The following FLRT2 variants were observed in gnomAD, a reference collection of about 807,000 sequenced individuals.
The protein encoded by FLRT2 is fibronectin leucine rich transmembrane protein 2.
Under a neutral mutation model 40.0 loss-of-function variants are expected in FLRT2, and 15 were observed. The observed-to-expected ratio is 0.38, with a 90% CI of 0.25 to 0.58. The LOEUF is 0.58. Among genes scored for constraint, FLRT2 ranks in the 20% least tolerant of loss-of-function variants. The pLI, the probability that FLRT2 is intolerant of heterozygous loss-of-function variation, is 0.71. For missense variants in FLRT2, 726 were observed against 840.0 expected, an observed-to-expected ratio of 0.86 and a Z score of 1.68; for synonymous variants, 380 against 336.8, an observed-to-expected ratio of 1.13 and a Z score of -1.41.
chr14:85,590,676 TGCA>T (rs1891842691), intron 1 of FLRT2, among the ~76,000 whole-genome samples: 1 of 152,174 alleles, frequency 6.6e-6, no homozygotes, highest in Non-Finnish European at 1.5e-5. Context: ...CTCGGCTCAC[TGCA>T]ACCTCTGCCT....
In FLRT2 at chr14:85,590,214, C is replaced by A. The variant is rs140603619; in HGVS notation, c.-376-30925C>A. On this transcript the variant is annotated intron_variant, in intron 1 of 1. Coordinates refer to ENST00000330753, the MANE Select transcript of FLRT2 (RefSeq NM_013231.6). ...TCAAGACTATCAAAAATGTCTCCAA[C>A]GTTGCCAAATTTCCTTGGGGTGGGG... Among the ~76,000 whole-genome samples the A allele has an allele frequency of 8.5e-3, 1,300 of 152,198 alleles. 14 individuals are homozygous for A. The highest frequency in any genetic ancestry group is 0.03 in the African/African-American group (1,252 of 41,498).
chr14:85,544,119 C>T (rs1433206053), intron 1 of FLRT2, among the ~76,000 whole-genome samples: 1 of 152,084 alleles, frequency 6.6e-6, no homozygotes, highest in African/African-American at 2.4e-5. Context: ...TTTTTTTATT[C>T]CCATAGATTG....
chr14:85,586,696 A>G (rs1891630648), intron 1 of FLRT2, among the ~76,000 whole-genome samples: 1 of 89,108 alleles, frequency 1.1e-5, no homozygotes, highest in Non-Finnish European at 2.3e-5. Flanking sequence ...ATATATGTAC[A>G]CACACACACA....
At chr14:85,574,099 A>G (rs1891016116) in intron 1 of FLRT2, among the ~76,000 whole-genome samples, 1 of 152,176 alleles carries the variant, frequency 6.6e-6, no homozygotes, top group Non-Finnish European at 1.5e-5. Flanking sequence ...CGTGAAGCAT[A>G]CTAGTGATAA....
chr14:85,617,486 T>G (rs1210541603), intron 1 of FLRT2, among the ~76,000 whole-genome samples: 1 of 152,172 alleles, frequency 6.6e-6, no homozygotes, highest in African/African-American at 2.4e-5. Context: ...GGATGAGAAC[T>G]CAGGATCTAT....
intron 1 of FLRT2, among the ~76,000 whole-genome samples, chr14:85,542,066 C>T (rs1368566622): frequency 2.6e-5 from 4 of 152,174 alleles, no homozygotes; most frequent in East Asian, 1.9e-4. Context: ...GTTATGCTTG[C>T]TTAAGGCTTA....
intron 1 of FLRT2, among the ~76,000 whole-genome samples, chr14:85,564,297 T>C (rs1233579779): frequency 1.3e-5 from 2 of 152,204 alleles, no homozygotes; most frequent in Non-Finnish European, 2.9e-5. Flanking sequence ...CTATATCAGT[T>C]TAGAAGCTTT....
Position 85,588,268 on chromosome 14 carries a change from G to C in FLRT2, c.-376-32871G>C, listed in dbSNP as rs199592741. ...GACAGACGGGCCTTAATATTACTAA[G>C]AATAATAAAAATACTTCCAATTCAA... On this transcript the variant is annotated intron_variant, in intron 1 of 1. Coordinates refer to ENST00000330753, the MANE Select transcript of FLRT2 (RefSeq NM_013231.6). Among the ~76,000 whole-genome samples the C allele has an allele frequency of 9.2e-5, 14 of 152,084 alleles. No individual in the cohort carries two copies. In the East Asian group the frequency reaches 2.7e-3, roughly 29 times the overall value.
At chr14:85,534,835 C>A (rs1367448609) in intron 1 of FLRT2, among the ~76,000 whole-genome samples, 4 of 146,354 alleles carry the variant, frequency 2.7e-5, no homozygotes, top group East Asian at 4.1e-4. Flanking sequence ...CCAGCCCCAA[C>A]TCCCCGACGC....
At chr14:85,547,449 G>A (rs939056111) in intron 1 of FLRT2, among the ~76,000 whole-genome samples, 2 of 151,382 alleles carry the variant, frequency 1.3e-5, no homozygotes, top group African/African-American at 4.9e-5. Context: ...TCAGCTTCCC[G>A]AGTAGCTGGG....
At position 85,649,234 on chromosome 14, in the gene FLRT2, C is replaced by T. The variant is rs911158365; in HGVS notation, c.*25737C>T. On this transcript the variant is annotated 3_prime_UTR_variant, in exon 2 of 2. Transcript: ENST00000330753. Reference sequence around the variant, plus strand: ...CCAGAAAGCCCCTATGTATTTATTCCGGTTAACAATTTTACTTGAGTAGAA... The same window carrying T: ...CCAGAAAGCCCCTATGTATTTATTCTGGTTAACAATTTTACTTGAGTAGAA... 6.8e-5 allele frequency: 6 copies of T among 87,602 alleles called. No individual in the cohort carries two copies. The highest frequency in any genetic ancestry group is 4.5e-4 in the Admixed American group (4 of 8,956). 5.4% of individuals were successfully genotyped at this position (87,602 alleles called of 1,614,324 possible).
chr14:85,546,964 G>A (rs1401075882), intron 1 of FLRT2, among the ~76,000 whole-genome samples: 6 of 152,166 alleles, frequency 3.9e-5, no homozygotes, highest in Admixed American at 2.0e-4. Flanking sequence ...ATCGTCACGT[G>A]TTCTGTCACT....
chr14:85,594,428 G>A (rs1484955375), intron 1 of FLRT2, among the ~76,000 whole-genome samples: 1 of 152,144 alleles, frequency 6.6e-6, no homozygotes, highest in Non-Finnish European at 1.5e-5. Context: ...AGATGTGTGT[G>A]TGCCGCTCCC....
intron 1 of FLRT2, among the ~76,000 whole-genome samples, chr14:85,554,454 G>T (rs140989591): frequency 6.6e-6 from 1 of 152,120 alleles, no homozygotes; most frequent in Non-Finnish European, 1.5e-5. Flanking sequence ...AAGTGCCAGC[G>T]GACTACAGAT....
At chr14:85,557,566 T>G (rs1163515660) in intron 1 of FLRT2, among the ~76,000 whole-genome samples, 1 of 151,994 alleles carries the variant, frequency 6.6e-6, no homozygotes, top group East Asian at 1.9e-4. Context: ...ATCCCAGCAC[T>G]TTGGGAGGCT....
Position 85,643,271 on chromosome 14 carries a change from G to GT in FLRT2, c.*19776dup, listed in dbSNP as rs1474191276. On this transcript the variant is annotated 3_prime_UTR_variant, in exon 2 of 2. Coordinates refer to ENST00000330753, the MANE Select transcript of FLRT2 (RefSeq NM_013231.6). ...ATGTCTAAAAACATCTCATGAGAGAGTTCAGAGGGTATTTCTTTTTTTTCT... is the reference window on the plus strand; with the variant it reads ...ATGTCTAAAAACATCTCATGAGAGAGTTTCAGAGGGTATTTCTTTTTTTTCT... 8 of 152,170 alleles carry GT rather than the reference G, an allele frequency of 5.3e-5. No individual in the cohort carries two copies. The highest frequency in any genetic ancestry group is 1.9e-4 in the African/African-American group (8 of 41,356). The allele number at this position is 152,170 out of a possible 1,614,324, so 9.4% of individuals were successfully genotyped here.
At chr14:85,570,186 G>A (rs1890822248) in intron 1 of FLRT2, among the ~76,000 whole-genome samples, 1 of 152,122 alleles carries the variant, frequency 6.6e-6, no homozygotes, top group Admixed American at 6.5e-5. Context: ...CTGGTTCCTT[G>A]TCAAGTTTGC....
intron 1 of FLRT2, among the ~76,000 whole-genome samples, chr14:85,596,852 G>A (rs911346906): frequency 6.6e-6 from 1 of 152,096 alleles, no homozygotes; most frequent in African/African-American, 2.4e-5. Flanking sequence ...AGCTGGGAGA[G>A]AGCATATGGC....
rs1182285707 is a variant in FLRT2, at chr14:85,649,916, G to A, written c.*26419G>A. 1.3e-5 allele frequency: 2 copies of A among 151,960 alleles called. No individual in the cohort carries two copies. The highest frequency in any genetic ancestry group is 4.8e-5 in the African/African-American group (2 of 41,392). The allele number at this position is 151,960 out of a possible 1,614,324, so 9.4% of individuals were successfully genotyped here. ...GGTGATTATAAAGTTTGTTGCTATAGTATTTCATTATTTTTTATTAGAAAA... is the reference window on the plus strand; with the variant it reads ...GGTGATTATAAAGTTTGTTGCTATAATATTTCATTATTTTTTATTAGAAAA... On this transcript the variant is annotated 3_prime_UTR_variant, in exon 2 of 2. Transcript: ENST00000330753.
Sources: gnomAD v4.1 joint callset for allele counts (sites outside exome capture counted in the v4.1 genomes callset) on GRCh38, gnomAD v4.1.1 for gene constraint, MANE v1.5 for transcripts, NCBI Gene and HGNC (gene_info 2026-07-23, HGNC 2026-07-21) for gene names.